The following PTPRD variants were observed in gnomAD, a reference collection of about 807,000 sequenced individuals.
PTPRD encodes the protein receptor-type tyrosine-protein phosphatase delta.
PTPRD carries 34 observed loss-of-function variants against 214.5 expected under a neutral mutation model. The observed-to-expected ratio is 0.16, with a 90% CI of 0.12 to 0.21. The LOEUF is 0.21. PTPRD is among the 10% of genes least tolerant of loss of function. The pLI, the probability that PTPRD is intolerant of heterozygous loss-of-function variation, is 1.00. For missense variants in PTPRD, 2,545 were observed against 2,398.7 expected (o/e 1.06, Z -1.27); for synonymous variants, 1,128 against 845.7 (o/e 1.33, Z -5.79).
chr9:8,467,976 CCT>C (rs1457688628), intron 31 of PTPRD, among the ~76,000 whole-genome samples: 1 of 151,834 alleles, frequency 6.6e-6, no homozygotes, highest in Non-Finnish European at 1.5e-5. Flanking sequence ...GACTGTGTCC[CCT>C]CTTCTACTTC....
At chr9:8,516,525 C>T (rs1406334760) in intron 21 of PTPRD, among the ~76,000 whole-genome samples, 1 of 151,900 alleles carries the variant, frequency 6.6e-6, no homozygotes, top group Non-Finnish European at 1.5e-5. Context: ...AAAGACCATG[C>T]CATGAAAACA....
chr9:9,325,243 C>A (rs560838813), intron 9 of PTPRD, among the ~76,000 whole-genome samples: 1 of 152,300 alleles, frequency 6.6e-6, no homozygotes, highest in South Asian at 2.1e-4. Context: ...TCCTTGGTAG[C>A]TTGATGGGGA....
At chr9:8,856,419 T>C (rs1236154048) in intron 11 of PTPRD, among the ~76,000 whole-genome samples, 1 of 152,196 alleles carries the variant, frequency 6.6e-6, no homozygotes, top group African/African-American at 2.4e-5. Context: ...TCCACATTTG[T>C]AGCTCAGTAA....
At chr9:9,294,871 T>C (rs1002153436) in intron 9 of PTPRD, among the ~76,000 whole-genome samples, 3 of 151,806 alleles carry the variant, frequency 2.0e-5, no homozygotes, top group Non-Finnish European at 4.4e-5. Context: ...TTTAAGATTA[T>C]ATTAAAATAA....
At chr9:8,520,990 C>G (rs957335163) in intron 20 of PTPRD, among the ~76,000 whole-genome samples, 3 of 152,072 alleles carry the variant, frequency 2.0e-5, no homozygotes, top group South Asian at 2.1e-4. Context: ...AATGGTCGAC[C>G]ATGTGTAAAA....
intron 2 of PTPRD, among the ~76,000 whole-genome samples, chr9:10,407,537 C>T (rs948128327): frequency 6.6e-6 from 1 of 151,422 alleles, no homozygotes; most frequent in Non-Finnish European, 1.5e-5. Context: ...TTCGGCACAC[C>T]AAAGTTTTCC....
intron 3 of PTPRD, among the ~76,000 whole-genome samples, chr9:10,308,764 T>C (rs1251406303): frequency 6.6e-6 from 1 of 151,958 alleles, no homozygotes; most frequent in African/African-American, 2.4e-5. Flanking sequence ...CTTGCAGAGG[T>C]TTTTCACCTC....
chr9:10,550,669 G>C (rs180943324), intron 2 of PTPRD, among the ~76,000 whole-genome samples: 3 of 152,336 alleles, frequency 2.0e-5, no homozygotes, highest in African/African-American at 7.2e-5. Context: ...TTGGAGCTGA[G>C]AGAGTGTGTT....
At chr9:9,019,137 A>G (rs946756870) in intron 10 of PTPRD, among the ~76,000 whole-genome samples, 2 of 151,994 alleles carry the variant, frequency 1.3e-5, no homozygotes, top group African/African-American at 4.8e-5. Flanking sequence ...TGTGTTGAAA[A>G]CCTTTGTTAA....
intron 11 of PTPRD, among the ~76,000 whole-genome samples, chr9:8,794,536 G>A (rs1424398972): frequency 1.4e-4 from 17 of 125,806 alleles, no homozygotes; most frequent in African/African-American, 4.8e-4. Flanking sequence ...TTTAGACAAA[G>A]TCTCATTATG....
chr9:8,342,319 A>C (rs868393373), intron 39 of PTPRD, among the ~76,000 whole-genome samples: 11 of 152,252 alleles, frequency 7.2e-5, no homozygotes, highest in African/African-American at 2.4e-4. Flanking sequence ...TAGTCTGTCC[A>C]TATTTAGAAG....
intron 5 of PTPRD, among the ~76,000 whole-genome samples, chr9:9,848,117 A>G (rs2059889247): frequency 6.6e-6 from 1 of 152,168 alleles, no homozygotes; most frequent in Non-Finnish European, 1.5e-5. Flanking sequence ...AAGGGCCTCT[A>G]AACAGCTGTA....
chr9:9,838,571 T>A (rs1406353825), intron 5 of PTPRD, among the ~76,000 whole-genome samples: 1 of 152,216 alleles, frequency 6.6e-6, no homozygotes, highest in African/African-American at 2.4e-5. Context: ...TGTCTTCTTT[T>A]GAGAAGTGTC....
Position 9,786,956 on chromosome 9 carries a change from C to T in PTPRD, c.-367-20105G>A, listed in dbSNP as rs947035803. 4.9e-4 allele frequency among the ~76,000 whole-genome samples: 74 copies of T among 151,800 alleles called. 1 individual carries two copies. Among genetic ancestry groups the T allele is most frequent in the Admixed American group, 4.5e-3 (68 of 15,240 alleles). On this transcript the variant is annotated intron_variant, in intron 5 of 45. Transcript: ENST00000381196. The stretch of plus-strand genomic sequence containing the variant: ...TTTGAGACCAGCCTGGCCAAAAGGG[C>T]GAAACCCCATCTCTACTAAAGATTC...
intron 7 of PTPRD, among the ~76,000 whole-genome samples, chr9:9,733,287 C>G (rs2098231950): frequency 6.6e-6 from 1 of 152,088 alleles, no homozygotes; most frequent in South Asian, 2.1e-4. Flanking sequence ...TCATGGTGCA[C>G]TGATGATGGA....
chr9:9,891,608 C>T (rs1051761467), intron 5 of PTPRD, among the ~76,000 whole-genome samples: 1 of 152,082 alleles, frequency 6.6e-6, no homozygotes, highest in East Asian at 1.9e-4. Flanking sequence ...TATTCCACTT[C>T]ATCAATTAGA....
chr9:8,404,772 C>G, intron 35 of PTPRD, 112 bp from the exon 36 acceptor site: 1 of 1,316,852 alleles, frequency 7.6e-7, no homozygotes, highest in Non-Finnish European at 1.0e-6. Flanking sequence ...TGAAGCCATA[C>G]TTCATCAAGA....
intron 7 of PTPRD, among the ~76,000 whole-genome samples, chr9:9,722,442 T>A (rs1020412238): frequency 6.6e-6 from 1 of 152,118 alleles, no homozygotes; most frequent in African/African-American, 2.4e-5. Context: ...GTAAAATCTA[T>A]ACCATATTTA....
intron 12 of PTPRD, among the ~76,000 whole-genome samples, chr9:8,652,057 A>T (rs1277861741): frequency 2.0e-5 from 3 of 152,240 alleles, no homozygotes; most frequent in Non-Finnish European, 2.9e-5. Flanking sequence ...AAAGAAGCAC[A>T]GACAGTAAGG....
Sources: allele counts gnomAD v4.1 joint callset (sites outside exome capture counted in the v4.1 genomes callset), GRCh38; gene constraint gnomAD v4.1.1; transcripts MANE v1.5; gene names NCBI Gene and HGNC (gene_info 2026-07-23, HGNC 2026-07-21).